Variants in KIAA1671 observed in about 807,000 individuals in gnomAD.
KIAA1671 encodes KIAA1671.
In KIAA1671, 52 loss-of-function variants were observed where a neutral mutation model predicts 131.2. The ratio of observed to expected loss-of-function variants is 0.40; its 90% confidence interval spans 0.32 to 0.50. The LOEUF (loss-of-function observed/expected upper bound fraction) is 0.50. Among genes scored for constraint, KIAA1671 ranks in the 20% least tolerant of loss-of-function variants. The pLI, the probability that KIAA1671 is intolerant of heterozygous loss-of-function variation, is 0.73. For synonymous variants in KIAA1671, 1,003 were observed against 961.6 expected (o/e 1.04, Z -0.80); for missense variants, 2,360 against 2,364.2 (o/e 1.00, Z 0.04).
At chr22:24,977,931 T>C (rs1294278594) in intron 1 of KIAA1671, among the ~76,000 whole-genome samples, 1 of 152,194 alleles carries the variant, frequency 6.6e-6, no homozygotes, top group African/African-American at 2.4e-5. Flanking sequence ...GCATAGCTTC[T>C]TGTGAGTGTC....
At chr22:25,179,876 A>G (rs192691428) in intron 9 of KIAA1671, among the ~76,000 whole-genome samples, 2 of 152,322 alleles carry the variant, frequency 1.3e-5, no homozygotes, top group Non-Finnish European at 2.9e-5. Context: ...TTTCTAATGC[A>G]TCATTTAAGG....
intron 6 of KIAA1671, chr22:25,053,698 A>C (rs1927672544): frequency 6.6e-6 from 1 of 152,312 alleles, no homozygotes; most frequent in Admixed American, 6.5e-5. Flanking sequence ...GGGTCCAGTT[A>C]GGTGCAGGAA....
In KIAA1671 at chr22:25,028,157, C is replaced by G; in HGVS notation, c.158C>G (p.Pro53Arg). 6.4e-7 allele frequency: 1 copy of G among 1,550,704 alleles called. No homozygotes were observed. The highest frequency in any genetic ancestry group is 8.7e-7 in the Non-Finnish European group (1 of 1,146,498). Residue 53 changes from proline (P) to arginine (R), a missense_variant, in exon 3 of 13, where the codon CCC becomes CGC. Around this residue, in one of 3 missense-constraint regions of KIAA1671, gnomAD observed 1,185 missense variants for 1,126.2 expected, o/e 1.05. Coordinates refer to ENST00000358431, the MANE Select transcript of KIAA1671 (RefSeq NM_001145206.2). The stretch of plus-strand genomic sequence containing the variant: ...GCCCGGATCTTGGAAGCGAAGAGCC[C>G]CCTGCGGAGCCCGGCCCGGTTACTC... ...PPARILEAKS[P>R]LRSPARLLPL...
chr22:25,128,454 G>A (rs555216742), intron 6 of KIAA1671, among the ~76,000 whole-genome samples: 2 of 152,250 alleles, frequency 1.3e-5, no homozygotes, highest in South Asian at 4.2e-4. Context: ...ATGATTTGGA[G>A]AGGCTCAAGA....
intron 6 of KIAA1671, among the ~76,000 whole-genome samples, chr22:25,072,098 G>A (rs2145851443): frequency 6.6e-6 from 1 of 152,294 alleles, no homozygotes; most frequent in South Asian, 2.1e-4. Flanking sequence ...CAGGCAGAGG[G>A]AACAGCATGT....
In KIAA1671 at chr22:25,049,169, A is replaced by AT. The variant is rs1174878928; in HGVS notation, c.4396-55dup. The AT allele has an allele frequency of 9.2e-6, 14 of 1,522,784 alleles. No homozygotes were observed. In the African/African-American group the frequency reaches 1.3e-4, roughly 14 times the overall value. The allele number at this position is 1,522,784 out of a possible 1,614,324, so 94.3% of individuals were successfully genotyped here. A position where few individuals can be genotyped will look rare whatever the true frequency, so the allele number is the denominator to read the frequency against. ...ACAGAATGGACTCTTGGCATAATAT[A>AT]TTTTTTCCTGTAAATGAGAAGGCTC... On this transcript the variant is annotated intron_variant, in intron 5 of 12. Transcript: ENST00000358431.
At chr22:24,975,940 C>T (rs1413835283) in intron 1 of KIAA1671, among the ~76,000 whole-genome samples, 2 of 152,196 alleles carry the variant, frequency 1.3e-5, no homozygotes, top group African/African-American at 4.8e-5. Context: ...AGATGGGTTT[C>T]CCCGCACCAT....
At chr22:24,958,980 CAAAAAA>C (rs59084421) in intron 1 of KIAA1671, among the ~76,000 whole-genome samples, 1 of 77,566 alleles carries the variant, frequency 1.3e-5, no homozygotes, top group Non-Finnish European at 3.0e-5. Context: ...AACTTCGTAT[CAAAAAA>C]AAAAAAAAAA....
At chr22:25,154,459 C>T (rs1276565739) in intron 6 of KIAA1671, among the ~76,000 whole-genome samples, 1 of 152,238 alleles carries the variant, frequency 6.6e-6, no homozygotes, top group Non-Finnish European at 1.5e-5. Context: ...AAAGATATAC[C>T]ATCCACTTGG....
intron 6 of KIAA1671, among the ~76,000 whole-genome samples, chr22:25,093,781 T>C: frequency 8.1e-6 from 1 of 123,342 alleles, no homozygotes; most frequent in Non-Finnish European, 1.7e-5. Context: ...TCTCTCTCTC[T>C]CTCTCTCTCT....
intron 6 of KIAA1671, chr22:25,112,323 G>A (rs1931404094): frequency 2.5e-6 from 1 of 398,982 alleles, no homozygotes; most frequent in Non-Finnish European, 4.4e-6. Flanking sequence ...TCGGCCAGCC[G>A]GACCCCCTTC....
chr22:25,178,927 C>T (rs1325079454), intron 9 of KIAA1671, among the ~76,000 whole-genome samples: 11 of 152,250 alleles, frequency 7.2e-5, no homozygotes, highest in Non-Finnish European at 5.9e-5. Context: ...TGGCCAGGGG[C>T]GCCGGCTCAG....
intron 6 of KIAA1671, among the ~76,000 whole-genome samples, chr22:25,168,281 C>T (rs368773027): frequency 3.3e-5 from 5 of 152,236 alleles, no homozygotes; most frequent in East Asian, 3.8e-4. Flanking sequence ...CTAGAGCCTG[C>T]GTCTGTGCCG....
chr22:25,125,791 G>A (rs1932151170), intron 6 of KIAA1671, among the ~76,000 whole-genome samples: 1 of 152,158 alleles, frequency 6.6e-6, no homozygotes, highest in South Asian at 2.1e-4. Flanking sequence ...CTCATCCTGG[G>A]ATGTGAGTTC....
rs964683213 is a variant in KIAA1671, at chr22:25,056,183, A to G, written c.4530+6819A>G. ...ACGCCCAGTGGAATATTTTATATAT[A>G]TATTCTGGATATTAATCCCATATCA... is the stretch of plus-strand genomic sequence containing the variant. On this transcript the variant is annotated intron_variant, in intron 6 of 12. Transcript: ENST00000358431. The G allele has an allele frequency of 4.7e-5, 7 of 149,106 alleles. 1 individual carries two copies. The highest frequency in any genetic ancestry group is 7.3e-5 in the African/African-American group (3 of 40,888). 9.2% of individuals were successfully genotyped at this position (149,106 alleles called of 1,614,324 possible). A position where few individuals can be genotyped will look rare whatever the true frequency, so the allele number is the denominator to read the frequency against.
chr22:24,968,630 G>A (rs1346410341), intron 1 of KIAA1671, among the ~76,000 whole-genome samples: 1 of 152,142 alleles, frequency 6.6e-6, no homozygotes, highest in South Asian at 2.1e-4. Flanking sequence ...GTGTCCGTGC[G>A]ATTCTATCTG....
At chr22:25,117,254 T>C (rs2145922987) in intron 6 of KIAA1671, among the ~76,000 whole-genome samples, 1 of 152,216 alleles carries the variant, frequency 6.6e-6, no homozygotes, top group South Asian at 2.1e-4. Context: ...AGGGCAGGGA[T>C]CCCACATCCA....
chr22:25,096,883 C>T (rs1330941157), intron 6 of KIAA1671, among the ~76,000 whole-genome samples: 1 of 152,214 alleles, frequency 6.6e-6, no homozygotes, highest in African/African-American at 2.4e-5. Flanking sequence ...CTGCAGTCTT[C>T]TTCATCAGTG....
At chr22:25,150,282 G>A (rs1295570515) in intron 6 of KIAA1671, among the ~76,000 whole-genome samples, 3 of 152,234 alleles carry the variant, frequency 2.0e-5, no homozygotes, top group Non-Finnish European at 4.4e-5. Flanking sequence ...AGCAGCCACA[G>A]TTGGCCTAAG....
Sources: gnomAD v4.1 joint callset for allele counts (sites outside exome capture counted in the v4.1 genomes callset) on GRCh38, gnomAD v4.1.1 for gene constraint, gnomAD v4.1.1 regional missense constraint, MANE v1.5 for transcripts, NCBI Gene and HGNC (gene_info 2026-07-23, HGNC 2026-07-21) for gene names.